Variants in NSUN6 observed in about 807,000 individuals in gnomAD.
NSUN6 encodes the protein tRNA (cytosine(72)-C(5))-methyltransferase NSUN6.
In NSUN6, 64 loss-of-function variants were observed where a neutral mutation model predicts 58.0. That is an observed-to-expected ratio of 1.10 (90% CI 0.90 to 1.36). NSUN6 has a LOEUF of 1.36. Ranked by LOEUF, NSUN6 falls within the 40% of genes most tolerant of loss-of-function variation. The pLI, the probability that NSUN6 is intolerant of heterozygous loss-of-function variation, is 0.00. For missense variants in NSUN6, 701 were observed against 550.1 expected, an observed-to-expected ratio of 1.27 and a Z score of -2.74; for synonymous variants, 231 against 193.9, an observed-to-expected ratio of 1.19 and a Z score of -1.59.
intron 8 of NSUN6, among the ~76,000 whole-genome samples, chr10:18,572,321 C>CCATTCCATTCCATTCTCCATTCCAATCCA (rs1454808378): frequency 2.0e-5 from 3 of 151,648 alleles, no homozygotes; most frequent in African/African-American, 7.3e-5. Context: ...AGTTCAATCT[C>CCATTCCATTCCATTCTCCATTCCAATCCA]CATTCCATTC....
At chr10:18,565,802 T>C (rs922507170) in intron 8 of NSUN6, among the ~76,000 whole-genome samples, 6 of 148,082 alleles carry the variant, frequency 4.1e-5, no homozygotes, top group Admixed American at 3.4e-4. Flanking sequence ...ACTCCATTCC[T>C]TTCTCCACTC....
At chr10:18,604,834 C>A (rs1445886657) in intron 6 of NSUN6, among the ~76,000 whole-genome samples, 1 of 150,586 alleles carries the variant, frequency 6.6e-6, no homozygotes, top group Admixed American at 6.6e-5. Flanking sequence ...TGCAGTGAGC[C>A]GAGATCGTGA....
At chr10:18,637,309 A>C (rs1385633576) in intron 3 of NSUN6, among the ~76,000 whole-genome samples, 1 of 152,166 alleles carries the variant, frequency 6.6e-6, no homozygotes, top group Non-Finnish European at 1.5e-5. Context: ...AATCCTAAAT[A>C]ATTTTTTCAA....
chr10:18,604,262 A>C lies in NSUN6; in HGVS notation c.657+5583T>G, dbSNP rs572181844. 5.9e-5 allele frequency among the ~76,000 whole-genome samples: 9 copies of C among 152,300 alleles called. No individual in the cohort carries two copies. In the East Asian group the frequency reaches 1.7e-3, roughly 29 times the overall value. On this transcript the variant is annotated intron_variant, in intron 6 of 10. Transcript: ENST00000377304. ...ATAGAGAAGAAACCTTATGATCACA[A>C]AGTTATTCTACCTACATGTTTATAC...
chr10:18,572,627 CATTCT>C (rs1182284468), intron 8 of NSUN6, among the ~76,000 whole-genome samples: 1 of 150,350 alleles, frequency 6.7e-6, no homozygotes, highest in African/African-American at 2.4e-5. Flanking sequence ...TTCTCCTTTC[CATTCT>C]ATTCTATTCT....
rs4748501 is a variant in NSUN6, at chr10:18,646,546, G to A, written c.231+1944C>T. 3.1e-3 allele frequency among the ~76,000 whole-genome samples: 108 copies of A among 34,310 alleles called. 1 individual carries two copies. The highest frequency in any genetic ancestry group is 5.1e-3 in the Non-Finnish European group (83 of 16,300). 22.5% of individuals were successfully genotyped at this position (34,310 alleles called of 152,430 possible). A position where few individuals can be genotyped will look rare whatever the true frequency, so the allele number is the denominator to read the frequency against. ...CAGGTTCTGGAAATCATTTGTTGTG[G>A]AAAAAAAAAATAATAAAGCCAGGCA... On this transcript the variant is annotated intron_variant, in intron 2 of 10. Transcript: ENST00000377304.
chr10:18,549,956 C>A (rs1179496847), intron 9 of NSUN6, among the ~76,000 whole-genome samples: 1 of 152,170 alleles, frequency 6.6e-6, no homozygotes, highest in East Asian at 1.9e-4. Context: ...GAGCTGTTAT[C>A]CCTGCTACTC....
intron 6 of NSUN6, among the ~76,000 whole-genome samples, chr10:18,601,552 G>A (rs970778686): frequency 7.1e-6 from 1 of 140,738 alleles, no homozygotes. Flanking sequence ...ACAGTTATGA[G>A]CAGAACTAGG....
At position 18,586,045 on chromosome 10, in the gene NSUN6, T is replaced by C. The variant is rs1472295198; in HGVS notation, c.826A>G (p.Lys276Glu). The C allele has an allele frequency of 1.2e-6, 2 of 1,610,812 alleles. No individual in the cohort carries two copies. The highest frequency in any genetic ancestry group is 1.7e-5 in the Admixed American group (1 of 59,486). Residue 276 changes from lysine (K) to glutamate (E), a missense_variant, in exon 8 of 11, where the codon AAA (lysine) becomes GAA (glutamate). Lys to Glu is a moderately conservative substitution (Grantham distance 56). Transcript: ENST00000377304. Reference sequence around the variant, plus strand: ...AGCCCTAACAATAAGGCATTCTGTTTGATTTTTTCTACTTTGTTGAAGATT... The same window carrying C: ...AGCCCTAACAATAAGGCATTCTGTTCGATTTTTTCTACTTTGTTGAAGATT... ...DKIFNKVEKI[K>E]QNALLLGLNS...
intron 3 of NSUN6, among the ~76,000 whole-genome samples, chr10:18,621,046 G>A (rs933165325): frequency 6.6e-6 from 1 of 152,226 alleles, no homozygotes; most frequent in African/African-American, 2.4e-5. Flanking sequence ...TCTGGGAACT[G>A]AGATTTCAGG....
upstream of NSUN6, chr10:18,658,244 A>G (rs1014813599): frequency 6.6e-6 from 1 of 152,226 alleles, no homozygotes; most frequent in African/African-American, 2.4e-5. Flanking sequence ...GTTGGAGCAT[A>G]TTATCCTGCA....
rs776290496 is a variant in NSUN6, at chr10:18,648,558, C to T, written c.163G>A (p.Val55Ile). 3.1e-6 allele frequency: 5 copies of T among 1,606,632 alleles called. No homozygotes were observed. The South Asian group carries it at 5.5e-5, about 18-fold the overall frequency. The change falls in exon 2 of 11, where the codon GTC becomes ATC. Residue 55 changes from valine to isoleucine, a missense_variant. Physicochemically the swap from Val to Ile is conservative, Grantham distance 29. Coordinates refer to ENST00000377304, the MANE Select transcript of NSUN6 (RefSeq NM_182543.5). Reference sequence around the variant, plus strand: ...GAGGCTAAATGTGTATTCACTCTGACAGTTGTAAATGATGGAGGATGTGAC... The same window carrying T: ...GAGGCTAAATGTGTATTCACTCTGATAGTTGTAAATGATGGAGGATGTGAC... ...HLSHPPSFTT[V>I]RVNTHLASVQ...
At chr10:18,602,822 G>C (rs2057899712) in intron 6 of NSUN6, among the ~76,000 whole-genome samples, 1 of 152,094 alleles carries the variant, frequency 6.6e-6, no homozygotes, top group South Asian at 2.1e-4. Context: ...ATTTTTCTCA[G>C]CATTTTTTTG....
intron 2 of NSUN6, among the ~76,000 whole-genome samples, chr10:18,644,540 G>A (rs574500507): frequency 9.3e-5 from 14 of 150,336 alleles, no homozygotes; most frequent in Middle Eastern, 3.4e-3. Flanking sequence ...ATATGAGTAA[G>A]TACAAGAAAA....
intron 6 of NSUN6, among the ~76,000 whole-genome samples, chr10:18,603,917 C>T (rs2057948079): frequency 6.6e-6 from 1 of 152,202 alleles, no homozygotes; most frequent in South Asian, 2.1e-4. Flanking sequence ...GGTGTGGTGG[C>T]TCACACCTGT....
chr10:18,599,409 T>A (rs926081892), intron 6 of NSUN6, among the ~76,000 whole-genome samples: 2 of 152,210 alleles, frequency 1.3e-5, no homozygotes, highest in African/African-American at 4.8e-5. Context: ...TTTCTTAAAA[T>A]AATTTACAAC....
chr10:18,653,296 G>A (rs1441629015), upstream of NSUN6: 1 of 980,706 alleles, frequency 1.0e-6, no homozygotes, highest in African/African-American at 1.8e-5. Flanking sequence ...TATAAACTAT[G>A]GAAAGAAAAT....
intron 8 of NSUN6, among the ~76,000 whole-genome samples, chr10:18,556,488 G>A (rs1374471865): frequency 6.6e-6 from 1 of 150,534 alleles, no homozygotes; most frequent in Non-Finnish European, 1.5e-5. Context: ...ATGGAATGGA[G>A]AATGGAATAG....
At chr10:18,548,077 T>A in intron 10 of NSUN6, 35 bp downstream of exon 10, 1 of 1,605,870 alleles carries the variant, frequency 6.2e-7, no homozygotes, top group Non-Finnish European at 8.5e-7. Flanking sequence ...CTGTGATTTA[T>A]CTTATTACAC....
Sources: gnomAD v4.1 joint callset for allele counts (sites outside exome capture counted in the v4.1 genomes callset) on GRCh38, gnomAD v4.1.1 for gene constraint, MANE v1.5 for transcripts, NCBI Gene and HGNC (gene_info 2026-07-23, HGNC 2026-07-21) for gene names.